TFB2M: variants seen among roughly 807,000 people sequenced by gnomAD.
The protein encoded by TFB2M is dimethyladenosine transferase 2, mitochondrial.
Under a neutral mutation model 41.3 loss-of-function variants are expected in TFB2M, and 44 were observed. That is an observed-to-expected ratio of 1.07 (90% CI 0.84 to 1.37). The LOEUF (loss-of-function observed/expected upper bound fraction) is 1.37, where lower values mean the gene tolerates loss of function less well. Among genes scored for constraint, TFB2M ranks in the 40% most tolerant of loss-of-function variants. TFB2M has a pLI of 0.00. For missense variants in TFB2M, 496 were observed against 490.2 expected (o/e 1.01, Z -0.11); for synonymous variants, 188 against 176.8 (o/e 1.06, Z -0.50).
intron 2 of TFB2M, among the ~76,000 whole-genome samples, chr1:246,560,404 T>G (rs1659427899): frequency 6.6e-6 from 1 of 152,124 alleles, no homozygotes. Context: ...GTGCCTGTAA[T>G]CCCAGTTGCT....
chr1:246,548,665 C>T, intron 5 of TFB2M, 58 bp from the exon 6 acceptor site: 1 of 1,515,128 alleles, frequency 6.6e-7, no homozygotes, highest in Admixed American at 1.7e-5. Flanking sequence ...TCAAAGTGCC[C>T]CAGTTATTAC....
chr1:246,565,645 G>C (rs532993382), intron 1 of TFB2M, among the ~76,000 whole-genome samples, 181 bp downstream of exon 1: 2 of 152,314 alleles, frequency 1.3e-5, no homozygotes, highest in South Asian at 4.1e-4. Flanking sequence ...CCGGTACGCG[G>C]AGGTTGCAGG....
chr1:246,546,085 CAGGA>C (rs1659009998), intron 6 of TFB2M, among the ~76,000 whole-genome samples: 1 of 151,978 alleles, frequency 6.6e-6, no homozygotes, highest in Admixed American at 6.6e-5. Flanking sequence ...GAGGCCGAGG[CAGGA>C]GGATCGCTGG....
At chr1:246,550,941 G>A (rs1159129136) in intron 5 of TFB2M, among the ~76,000 whole-genome samples, 1 of 152,230 alleles carries the variant, frequency 6.6e-6, no homozygotes, top group Admixed American at 6.5e-5. Context: ...TGTAATCCCA[G>A]TGATCTGGGA....
intron 5 of TFB2M, among the ~76,000 whole-genome samples, 174 bp downstream of exon 5, chr1:246,551,039 G>A (rs562104840): frequency 7.7e-4 from 117 of 152,268 alleles, no homozygotes; most frequent in Non-Finnish European, 1.3e-3. Flanking sequence ...GCCAGGCATG[G>A]TGGCGCCTGG....
chr1:246,557,531 A>C lies in TFB2M; in HGVS notation c.406T>G (p.Leu136Val), dbSNP rs1286444013. Residue 136 changes from leucine (L) to valine (V), a missense_variant, in exon 3 of 8, where the codon TTA becomes GTA. Leu to Val is a conservative substitution (Grantham distance 32). Coordinates refer to ENST00000366514, the MANE Select transcript of TFB2M (RefSeq NM_022366.3). The part of the protein sequence containing the change: ...DKTFIPHLES[L>V]GKNLDGKLRV... ...AGTTTTCCATCCAGATTTTTTCCTA[A>C]GGACTAAAGAGAGACAAAGATAACA... 2 of 1,589,906 alleles carry C rather than the reference A, an allele frequency of 1.3e-6. No individual in the cohort carries two copies. Among genetic ancestry groups the C allele is most frequent in the Admixed American group, 3.7e-5 (2 of 54,524 alleles).
At chr1:246,560,834 A>C (rs1659439306) in intron 2 of TFB2M, among the ~76,000 whole-genome samples, 1 of 152,170 alleles carries the variant, frequency 6.6e-6, no homozygotes, top group African/African-American at 2.4e-5. Flanking sequence ...TGTCTCATTT[A>C]CTGGGTGCAG....
chr1:246,540,875 A>G lies in TFB2M; in HGVS notation c.*156T>C. On this transcript the variant is annotated 3_prime_UTR_variant, in exon 8 of 8. Coordinates refer to ENST00000366514, the MANE Select transcript of TFB2M (RefSeq NM_022366.3). ...AATAGCAGACACTGTTTCATCCAAT[A>G]AGCCAATGATATCAGCTTAGGAGAA... 1 of 558,412 alleles carries G rather than the reference A, an allele frequency of 1.8e-6. No homozygotes were observed. The allele number at this position is 558,412 out of a possible 1,614,324, so 34.6% of individuals were successfully genotyped here. A position where few individuals can be genotyped will look rare whatever the true frequency, so the allele number is the denominator to read the frequency against.
In TFB2M at chr1:246,544,529, G is replaced by A. The variant is rs1392967043; in HGVS notation, c.1011C>T (p.Asp337=). The A allele has an allele frequency of 3.8e-6, 6 of 1,599,802 alleles. No individual in the cohort carries two copies. The highest frequency in any genetic ancestry group is 5.1e-6 in the Non-Finnish European group (6 of 1,176,588). Residue 337 remains aspartate (D), a synonymous_variant, in exon 7 of 8, where the codon GAC becomes GAT. Transcript: ENST00000366514. ...CFGRRSATVI[D]HLRSLTPLDA... is the part of the protein sequence containing the mutation. ...TTATTCTTTTTACTCACCGTAAGTGGTCTATTACAGTGGCGCTGCGCCTCC... is the reference window on the plus strand; with the variant it reads ...TTATTCTTTTTACTCACCGTAAGTGATCTATTACAGTGGCGCTGCGCCTCC...
chr1:246,558,824 T>G (rs1177593163), intron 2 of TFB2M, among the ~76,000 whole-genome samples: 1 of 152,192 alleles, frequency 6.6e-6, no homozygotes, highest in Non-Finnish European at 1.5e-5. Context: ...TATCTCAGTC[T>G]TCTCACTGCT....
rs982349790 is a variant in TFB2M at position 246,566,174 on chromosome 1, A to G, written c.-36T>C. 1.3e-6 allele frequency: 2 copies of G among 1,584,492 alleles called. No homozygotes were observed. Among genetic ancestry groups the G allele is most frequent in the African/African-American group, 2.7e-5 (2 of 73,998 alleles). On this transcript the variant is annotated 5_prime_UTR_variant, in exon 1 of 8. Coordinates refer to ENST00000366514, the MANE Select transcript of TFB2M (RefSeq NM_022366.3). The stretch of plus-strand genomic sequence containing the variant: ...CTCAGGCCCGCTCCAAGAATCACCT[A>G]GTGCAGCTACTACAGTGAACCCCAC...
chr1:246,544,585 T>C lies in TFB2M; in HGVS notation c.955A>G (p.Ile319Val), dbSNP rs1447348427. The change falls in exon 7 of 8, where the codon ATA (isoleucine) becomes GTA (valine). Residue 319 changes from isoleucine (I) to valine (V), a missense_variant. Coordinates refer to ENST00000366514, the MANE Select transcript of TFB2M (RefSeq NM_022366.3). ...CAGTGCTTTAACAAGTGAAAAAATATATTATAGTTCATAGGTGTTAAGTTC... is the reference window on the plus strand; with the variant it reads ...CAGTGCTTTAACAAGTGAAAAAATACATTATAGTTCATAGGTGTTAAGTTC... Reference protein sequence around the residue: ...TKNLTPMNYNIFFHLLKHCFG... With the variant: ...TKNLTPMNYNVFFHLLKHCFG... 3.1e-6 allele frequency: 5 copies of C among 1,611,674 alleles called. No homozygotes were observed. In the African/African-American group the frequency reaches 4.0e-5, roughly 13 times the overall value.
Position 246,557,361 on chromosome 1 carries a change from T to C in TFB2M, c.556+20A>G. On this transcript the variant is annotated intron_variant, in intron 3 of 7. Coordinates refer to ENST00000366514, the MANE Select transcript of TFB2M (RefSeq NM_022366.3). The stretch of plus-strand genomic sequence containing the variant: ...CCTGGCAAATTCTAGGTATTTGCTT[T>C]AGTAAATTCCAAAAATGACCTGCTG... 2 of 1,606,006 alleles carry C rather than the reference T, an allele frequency of 1.2e-6. No homozygotes were observed. Among genetic ancestry groups the C allele is most frequent in the South Asian group, 1.1e-5 (1 of 88,850 alleles).
chr1:246,551,575 G>A (rs185631747), intron 4 of TFB2M, among the ~76,000 whole-genome samples: 278 of 152,056 alleles, frequency 1.8e-3, no homozygotes, highest in Non-Finnish European at 2.5e-3. Context: ...CAGGGGCAAC[G>A]GCAGGGCACG....
At chr1:246,547,848 A>G (rs1180189108) in intron 6 of TFB2M, among the ~76,000 whole-genome samples, 1 of 152,218 alleles carries the variant, frequency 6.6e-6, no homozygotes, top group Non-Finnish European at 1.5e-5. Context: ...ACGTACAAAG[A>G]TTAAAAAATG....
In TFB2M at chr1:246,541,071, G is replaced by A; in HGVS notation, c.1151C>T (p.Ala384Val). Residue 384 changes from alanine to valine, a missense_variant, in exon 8 of 8, where the codon GCT (alanine) becomes GTT (valine). Transcript: ENST00000366514. Reference sequence around the variant, plus strand: ...GGTTTCATCATACAGCCATTTATAAGCACAATCTTTGGAACGCTCTATAGT... The same window carrying A: ...GGTTTCATCATACAGCCATTTATAAACACAATCTTTGGAACGCTCTATAGT... The part of the protein sequence containing the change: ...FETIERSKDC[A>V]YKWLYDETLE... The A allele has an allele frequency of 6.2e-7, 1 of 1,613,376 alleles. No homozygotes were observed. Among genetic ancestry groups the A allele is most frequent in the Non-Finnish European group, 8.5e-7 (1 of 1,179,654 alleles).
chr1:246,557,198 C>T (rs1194527219), intron 3 of TFB2M, among the ~76,000 whole-genome samples, 183 bp downstream of exon 3: 1 of 152,096 alleles, frequency 6.6e-6, no homozygotes, highest in Non-Finnish European at 1.5e-5. Flanking sequence ...TCACATGAAC[C>T]TGGAGGCAGA....
chr1:246,542,414 T>C (rs918938017), intron 7 of TFB2M, among the ~76,000 whole-genome samples: 1 of 152,052 alleles, frequency 6.6e-6, no homozygotes, highest in Non-Finnish European at 1.5e-5. Context: ...GGCTCCTACC[T>C]GTTATCCCAG....
chr1:246,558,747 A>G (rs888390181), intron 2 of TFB2M, among the ~76,000 whole-genome samples: 1 of 152,192 alleles, frequency 6.6e-6, no homozygotes, highest in Non-Finnish European at 1.5e-5. Flanking sequence ...TCATCTCCAT[A>G]ATTTTCATTT....
Sources: allele counts gnomAD v4.1 joint callset (sites outside exome capture counted in the v4.1 genomes callset), GRCh38; gene constraint gnomAD v4.1.1; transcripts MANE v1.5; gene names NCBI Gene and HGNC (gene_info 2026-07-23, HGNC 2026-07-21).